PEX1: variants seen among roughly 807,000 people sequenced by gnomAD.
PEX1 encodes the protein peroxisomal ATPase PEX1.
PEX1 carries 97 observed loss-of-function variants against 152.5 expected under a neutral mutation model. The ratio of observed to expected loss-of-function variants is 0.64; its 90% CI spans 0.54 to 0.75. PEX1 has a LOEUF of 0.75. Ranked by LOEUF, PEX1 falls within the 30% of genes least tolerant of loss-of-function variation. The pLI is 0.00. For synonymous variants in PEX1, 485 were observed against 531.6 expected (o/e 0.91, Z 1.21); for missense variants, 1,357 against 1,516.3 (o/e 0.89, Z 1.74).
Position 92,517,470 on chromosome 7 carries a change from T to C in PEX1, c.1045A>G (p.Lys349Glu). 1.9e-6 allele frequency: 3 copies of C among 1,614,076 alleles called. No individual in the cohort carries two copies. Among genetic ancestry groups the C allele is most frequent in the Non-Finnish European group, 2.5e-6 (3 of 1,180,022 alleles). Residue 349 changes from lysine (K) to glutamate (E), a missense_variant, in exon 5 of 24, where the codon AAA (lysine) becomes GAA (glutamate). Transcript: ENST00000248633. ...LSPKQQQSKT[K>E]QNVLSPEKEK... The stretch of plus-strand genomic sequence containing the variant: ...TTTTCAGGTGATAACACATTTTGTT[T>C]TGTTTTACTTTGCTGTTGCTTTGGA...
At chr7:92,518,305 C>A in intron 3 of PEX1, 50 bp from the exon 4 acceptor site, 1 of 1,126,838 alleles carries the variant, frequency 8.9e-7, no homozygotes, top group Non-Finnish European at 1.3e-6. Context: ...TTGTCCACTC[C>A]ATATCTAGTT....
rs1056709151 is a variant in PEX1 at position 92,504,900 on chromosome 7, T to C, written c.1903A>G (p.Lys635Glu). Reference protein sequence around the residue: ...ERVDCKALRGKRLENIQKTLE... With the variant: ...ERVDCKALRGERLENIQKTLE... ...GTTTTTTGTATGTTTTCAAGCCTTT[T>C]TCCTTAATACAGAAGATATGAAATG... is the stretch of plus-strand genomic sequence containing the variant. Residue 635 changes from lysine (K) to glutamate (E), a missense_variant and splice_region_variant, in exon 12 of 24, where the codon AAA becomes GAA. Transcript: ENST00000248633. The C allele has an allele frequency of 6.2e-7, 1 of 1,611,504 alleles. No individual in the cohort carries two copies. Among genetic ancestry groups the C allele is most frequent in the Non-Finnish European group, 8.5e-7 (1 of 1,177,570 alleles).
chr7:92,517,292 T>G lies in PEX1; in HGVS notation c.1223A>C (p.His408Pro). The G allele has an allele frequency of 6.2e-7, 1 of 1,613,764 alleles. No homozygotes were observed. The highest frequency in any genetic ancestry group is 8.5e-7 in the Non-Finnish European group (1 of 1,179,724). ...TATACTAACCCAGACTTTCCCAAGA[T>G]GGAGAACTTCTACATTTTTGGTATA... is the stretch of plus-strand genomic sequence containing the variant. The part of the protein sequence containing the change: ...IKYTKNVEVL[H>P]LGKVWIPDDL... The change falls in exon 5 of 24, where the codon CAT becomes CCT. Residue 408 changes from histidine to proline, a missense_variant. His to Pro is a moderately conservative substitution (Grantham distance 77). Transcript: ENST00000248633.
intron 16 of PEX1, among the ~76,000 whole-genome samples, chr7:92,498,911 G>A (rs998283650): frequency 2.0e-5 from 3 of 152,174 alleles, no homozygotes; most frequent in Non-Finnish European, 4.4e-5. Flanking sequence ...GAGCATTTAT[G>A]TATAATTCTG....
chr7:92,487,453 T>C lies in PEX1; in HGVS notation c.*4A>G. 6.7e-7 allele frequency: 1 copy of C among 1,501,534 alleles called. No homozygotes were observed. The highest frequency in any genetic ancestry group is 9.2e-7 in the Non-Finnish European group (1 of 1,082,898). 93.0% of individuals were successfully genotyped at this position (1,501,534 alleles called of 1,614,324 possible). A position where few individuals can be genotyped will look rare whatever the true frequency, so the allele number is the denominator to read the frequency against. On this transcript the variant is annotated 3_prime_UTR_variant, in exon 24 of 24. Coordinates refer to ENST00000248633, the MANE Select transcript of PEX1 (RefSeq NM_000466.3). Reference sequence around the variant, plus strand: ...AACAGAACCAAATCAAAAAGAAGTATATTTTATGCTAAAGTTACTTTCTGT... The same window carrying C: ...AACAGAACCAAATCAAAAAGAAGTACATTTTATGCTAAAGTTACTTTCTGT...
intron 23 of PEX1, 121 bp downstream of exon 23, chr7:92,489,172 T>C: frequency 1.1e-6 from 1 of 935,424 alleles, no homozygotes; most frequent in Non-Finnish European, 1.7e-6. Flanking sequence ...CACATATTTT[T>C]TGAATTAGCT....
chr7:92,487,643 G>T, intron 23 of PEX1, 102 bp from the exon 24 acceptor site: 1 of 516,112 alleles, frequency 1.9e-6, no homozygotes, highest in South Asian at 3.4e-5. Context: ...AGAAATGAAC[G>T]GGAAATAACA....
At chr7:92,527,330 C>T (rs1469035603) in intron 1 of PEX1, among the ~76,000 whole-genome samples, 1 of 152,168 alleles carries the variant, frequency 6.6e-6, no homozygotes. Context: ...CCAACTTCTA[C>T]CTGGAACTTG....
rs1562847796 is a variant in PEX1 at position 92,494,264 on chromosome 7, GTTTTGGACTCTAAATATGA to G, written c.3030+10_3030+28del. The G allele has an allele frequency of 2.6e-6, 4 of 1,511,886 alleles. No individual in the cohort carries two copies. Among genetic ancestry groups the G allele is most frequent in the Non-Finnish European group, 3.7e-6 (4 of 1,088,912 alleles). 93.7% of individuals were successfully genotyped at this position (1,511,886 alleles called of 1,614,324 possible). On this transcript the variant is annotated intron_variant, in intron 19 of 23. Transcript: ENST00000248633. ...AAGGAAAGAGTGTAGCATTTGTTGG[GTTTTGGACTCTAAATATGA>G]AATTGTCACCTGATCAGGAGGAGGA...
intron 23 of PEX1, among the ~76,000 whole-genome samples, chr7:92,488,549 A>T (rs1562841142): frequency 6.6e-6 from 1 of 152,172 alleles, no homozygotes; most frequent in Non-Finnish European, 1.5e-5. Flanking sequence ...CCAATGTATA[A>T]CAAATGTGGT....
At chr7:92,517,209 CTAATTCA>C in intron 5 of PEX1, 60 bp downstream of exon 5, 2 of 1,176,370 alleles carry the variant, frequency 1.7e-6, no homozygotes, top group Non-Finnish European at 2.5e-6. Flanking sequence ...AAATACTATT[CTAATTCA>C]TAATTTGGGG....
intron 20 of PEX1, 180 bp from the exon 21 acceptor site, chr7:92,491,682 A>AT (rs1791334520): frequency 1.8e-6 from 1 of 571,316 alleles, no homozygotes; most frequent in South Asian, 2.1e-5. Flanking sequence ...TATTAAAATT[A>AT]TAAAGACAAG....
chr7:92,498,079 A>C (rs1040917350), intron 16 of PEX1, among the ~76,000 whole-genome samples: 7 of 151,500 alleles, frequency 4.6e-5, no homozygotes, highest in Non-Finnish European at 8.8e-5. Context: ...AAAAAAAAAA[A>C]AAAAAAAAAA....
At chr7:92,498,022 T>C (rs899793262) in intron 16 of PEX1, among the ~76,000 whole-genome samples, 15 of 130,648 alleles carry the variant, frequency 1.1e-4, no homozygotes, top group Non-Finnish European at 7.8e-5. Flanking sequence ...GCCGAGATCA[T>C]GCCACTCCAC....
At chr7:92,495,334 A>C (rs1325849353) in intron 17 of PEX1, among the ~76,000 whole-genome samples, 4 of 152,182 alleles carry the variant, frequency 2.6e-5, no homozygotes, top group Non-Finnish European at 5.9e-5. Flanking sequence ...AAAAATCAAC[A>C]GCTATCTCAT....
In PEX1 at chr7:92,504,777, G is replaced by A. The variant is rs759330849; in HGVS notation, c.2026C>T (p.His676Tyr). ...TGCACCGCATCAGGACTGTGCTCATGTTCCGGGACAGCAGGCAGTCCAGCA... is the reference window on the plus strand; with the variant it reads ...TGCACCGCATCAGGACTGTGCTCATATTCCGGGACAGCAGGCAGTCCAGCA... ...LIAGLPAVPE[H>Y]EHSPDAVQSQ... is the part of the protein sequence containing the mutation. The change falls in exon 12 of 24, where the codon CAT becomes TAT. Residue 676 changes from histidine to tyrosine, a missense_variant. Physicochemically the swap from His to Tyr is moderately conservative, Grantham distance 83. Transcript: ENST00000248633. The A allele has an allele frequency of 6.2e-7, 1 of 1,614,198 alleles. No individual in the cohort carries two copies. Among genetic ancestry groups the A allele is most frequent in the Non-Finnish European group, 8.5e-7 (1 of 1,180,034 alleles).
rs766538398 is a variant in PEX1, at chr7:92,517,360, T to C, written c.1155A>G (p.Gln385=). The part of the protein sequence containing the change: ...NEEDEKACVL[Q]VVWNGLEELN... The stretch of plus-strand genomic sequence containing the variant: ...ATTCTTCAAGTCCATTCCAGACTAC[T>C]TGTAGCACACAGGCCTTCTCATCTT... The change falls in exon 5 of 24, where the codon CAA becomes CAG. Residue 385 remains glutamine, a synonymous_variant. Coordinates refer to ENST00000248633, the MANE Select transcript of PEX1 (RefSeq NM_000466.3). 4 of 1,613,852 alleles carry C rather than the reference T, an allele frequency of 2.5e-6. No homozygotes were observed. The highest frequency in any genetic ancestry group is 1.7e-5 in the Admixed American group (1 of 60,016).
At position 92,494,286 on chromosome 7, in the gene PEX1, T is replaced by C. The variant is rs373933048; in HGVS notation, c.3030+7A>G. 2.3e-5 allele frequency: 37 copies of C among 1,600,874 alleles called. No individual in the cohort carries two copies. Among genetic ancestry groups the C allele is most frequent in the Non-Finnish European group, 3.0e-5 (35 of 1,169,108 alleles). ...TGGGTTTTGGACTCTAAATATGAAA[T>C]TGTCACCTGATCAGGAGGAGGACAG... On this transcript the variant is annotated splice_region_variant and intron_variant, in intron 19 of 23. Transcript: ENST00000248633.
intron 13 of PEX1, 99 bp downstream of exon 13, chr7:92,502,940 TAA>T: frequency 2.0e-6 from 2 of 988,992 alleles, no homozygotes; most frequent in Non-Finnish European, 3.1e-6. Context: ...TTAAAATCAT[TAA>T]GAGAAGCATA....
Sources: gnomAD v4.1 joint callset for allele counts (sites outside exome capture counted in the v4.1 genomes callset) on GRCh38, gnomAD v4.1.1 for gene constraint, MANE v1.5 for transcripts, NCBI Gene and HGNC (gene_info 2026-07-23, HGNC 2026-07-21) for gene names.